TCF7L2: variants seen among roughly 807,000 people sequenced by gnomAD.
The protein encoded by TCF7L2 is transcription factor 7-like 2.
A neutral mutation model predicts 77.9 loss-of-function variants in TCF7L2; 23 were observed. That is an observed-to-expected ratio of 0.30 (90% CI 0.21 to 0.42). The LOEUF (loss-of-function observed/expected upper bound fraction) is 0.42, where lower values mean the gene tolerates loss of function less well. Among genes scored for constraint, TCF7L2 ranks in the 10% least tolerant of loss-of-function variants. TCF7L2 has a pLI of 1.00. For synonymous variants in TCF7L2, 413 were observed against 340.2 expected (o/e 1.21, Z -2.36); for missense variants, 654 against 793.1 (o/e 0.82, Z 2.11).
Position 113,165,995 on chromosome 10 carries a change from G to T in TCF7L2, c.*23G>T. ...TAGCTTTAGCGTCGTGAACCCCGCT[G>T]CTTTGTTTATGGTTTTGTTTCACTT... On this transcript the variant is annotated 3_prime_UTR_variant, in exon 14 of 14. Transcript: ENST00000627217. The T allele has an allele frequency of 3.4e-6, 5 of 1,463,172 alleles. No homozygotes were observed. The highest frequency in any genetic ancestry group is 1.8e-4 in the Middle Eastern group (1 of 5,436). The allele number at this position is 1,463,172 out of a possible 1,614,324, so 90.6% of individuals were successfully genotyped here. A position where few individuals can be genotyped will look rare whatever the true frequency, so the allele number is the denominator to read the frequency against.
intron 4 of TCF7L2, among the ~76,000 whole-genome samples, chr10:113,028,046 A>G (rs1564801238): frequency 1.3e-5 from 2 of 152,214 alleles, no homozygotes; most frequent in Admixed American, 6.5e-5. Flanking sequence ...CTAATGGACA[A>G]TTGAGACATT....
chr10:113,101,005 G>A (rs1166376201), intron 5 of TCF7L2, among the ~76,000 whole-genome samples: 1 of 151,904 alleles, frequency 6.6e-6, no homozygotes, highest in Non-Finnish European at 1.5e-5. Context: ...AACCAGGGAG[G>A]AGGAGGTTGT....
chr10:113,137,435 G>A (rs1055580910), intron 5 of TCF7L2, among the ~76,000 whole-genome samples: 1 of 152,220 alleles, frequency 6.6e-6, no homozygotes, highest in African/African-American at 2.4e-5. Flanking sequence ...AGGTAGACAC[G>A]ATTCTCATCC....
chr10:112,957,325 T>G (rs955209727), intron 3 of TCF7L2, among the ~76,000 whole-genome samples: 18 of 150,050 alleles, frequency 1.2e-4, no homozygotes, highest in Non-Finnish European at 2.2e-4. Context: ...GAAGGGAAAA[T>G]GTACACATTA....
intron 5 of TCF7L2, among the ~76,000 whole-genome samples, chr10:113,106,302 C>T (rs1455477077): frequency 6.6e-6 from 1 of 152,164 alleles, no homozygotes; most frequent in Non-Finnish European, 1.5e-5. Flanking sequence ...AGCAGAGGCT[C>T]AGAGAAAGAA....
chr10:113,114,077 G>A (rs2063452165), intron 5 of TCF7L2, among the ~76,000 whole-genome samples: 1 of 152,122 alleles, frequency 6.6e-6, no homozygotes, highest in Non-Finnish European at 1.5e-5. Flanking sequence ...AACAATCCTG[G>A]AATTGCTTTG....
intron 6 of TCF7L2, among the ~76,000 whole-genome samples, chr10:113,141,542 A>C (rs2068385046): frequency 6.6e-6 from 1 of 152,140 alleles, no homozygotes; most frequent in Non-Finnish European, 1.5e-5. Context: ...GTTCATTTGC[A>C]GTGTTAAAGA....
chr10:113,146,157 C>G (rs1192134477), intron 8 of TCF7L2, 60 bp downstream of exon 8: 70 of 1,527,394 alleles, frequency 4.6e-5, no homozygotes, highest in Middle Eastern at 1.7e-4. Context: ...AAGAAGTTCT[C>G]TAGATGGCCA....
chr10:113,117,940 A>C (rs2136223456), intron 5 of TCF7L2, among the ~76,000 whole-genome samples: 1 of 151,464 alleles, frequency 6.6e-6, no homozygotes, highest in Non-Finnish European at 1.5e-5. Context: ...CGGCACACAA[A>C]GCGGGCACAT....
chr10:113,145,075 A>G (rs180867847), intron 7 of TCF7L2, among the ~76,000 whole-genome samples: 44 of 151,582 alleles, frequency 2.9e-4, no homozygotes, highest in African/African-American at 9.9e-4. Context: ...TTACCCCACA[A>G]TTCTACCCGT....
chr10:113,087,419 G>T (rs1430640227), intron 5 of TCF7L2, among the ~76,000 whole-genome samples: 3 of 152,236 alleles, frequency 2.0e-5, no homozygotes, highest in Admixed American at 2.0e-4. Context: ...GTTCCTTCTA[G>T]AAACAATTGG....
chr10:113,073,140 G>GAGAGAGAC, intron 5 of TCF7L2, among the ~76,000 whole-genome samples: 1 of 151,054 alleles, frequency 6.6e-6, no homozygotes, highest in South Asian at 2.1e-4. Flanking sequence ...GAGAGAGAGA[G>GAGAGAGAC]AGAGAGAGAG....
intron 4 of TCF7L2, among the ~76,000 whole-genome samples, chr10:113,008,779 C>G (rs1052298003): frequency 2.0e-5 from 3 of 152,238 alleles, no homozygotes; most frequent in Admixed American, 2.0e-4. Flanking sequence ...CTTCCTTTCC[C>G]TCCTTTAGTG....
chr10:113,128,009 G>T (rs1382994479), intron 5 of TCF7L2, among the ~76,000 whole-genome samples: 1 of 151,926 alleles, frequency 6.6e-6, no homozygotes, highest in Non-Finnish European at 1.5e-5. Flanking sequence ...CAGCGGCAGA[G>T]AACTTGCAGT....
At chr10:113,037,579 C>T (rs1464886487) in intron 4 of TCF7L2, among the ~76,000 whole-genome samples, 1 of 152,136 alleles carries the variant, frequency 6.6e-6, no homozygotes, top group Non-Finnish European at 1.5e-5. Flanking sequence ...GGATGTGGCA[C>T]ACAATGAAGC....
intron 4 of TCF7L2, among the ~76,000 whole-genome samples, chr10:113,005,525 C>T (rs1383135378): frequency 2.0e-5 from 3 of 152,168 alleles, no homozygotes; most frequent in South Asian, 2.1e-4. Context: ...CCCTTGATCT[C>T]GACAACCCCT....
At chr10:112,954,719 C>G (rs543977129) in intron 3 of TCF7L2, among the ~76,000 whole-genome samples, 1 of 152,278 alleles carries the variant, frequency 6.6e-6, no homozygotes, top group Admixed American at 6.5e-5. Flanking sequence ...CTTTTTCCCT[C>G]CTGGCAAAGT....
chr10:112,977,532 C>T (rs2039651127), intron 4 of TCF7L2, among the ~76,000 whole-genome samples: 1 of 152,220 alleles, frequency 6.6e-6, no homozygotes, highest in South Asian at 2.1e-4. Flanking sequence ...ATCTGCCTTG[C>T]TCCTGCCACT....
chr10:112,998,653 G>A (rs932178586), intron 4 of TCF7L2, among the ~76,000 whole-genome samples: 10 of 152,200 alleles, frequency 6.6e-5, no homozygotes, highest in African/African-American at 1.2e-4. Flanking sequence ...CAGTTACAGG[G>A]AAGGCAAGTA....
Sources: allele counts gnomAD v4.1 joint callset (sites outside exome capture counted in the v4.1 genomes callset), GRCh38; gene constraint gnomAD v4.1.1; transcripts MANE v1.5; gene names NCBI Gene and HGNC (gene_info 2026-07-23, HGNC 2026-07-21).